BMPR1B: variants seen among roughly 807,000 people sequenced by gnomAD.
BMPR1B encodes the protein bone morphogenetic protein receptor type 1B, also known as bone morphogenetic protein receptor type-1B.
Under a neutral mutation model 59.1 loss-of-function variants are expected in BMPR1B, and 12 were observed. That is an observed-to-expected ratio of 0.20 (90% CI 0.13 to 0.33). BMPR1B has a LOEUF of 0.33. Ranked by LOEUF, BMPR1B falls within the 10% of genes least tolerant of loss-of-function variation. The probability of loss-of-function intolerance (pLI) is 1.00; values close to 1 mark genes in which losing one functional copy is unlikely to be tolerated. For synonymous variants in BMPR1B, 237 were observed against 207.3 expected (o/e 1.14, Z -1.23); for missense variants, 550 against 610.9 (o/e 0.90, Z 1.05).
chr4:95,108,975 C>G (rs2149270634), intron 4 of BMPR1B, among the ~76,000 whole-genome samples: 1 of 152,100 alleles, frequency 6.6e-6, no homozygotes, highest in Middle Eastern at 3.4e-3. Context: ...TTTCAGTTTC[C>G]TGTCCTAGCA....
Position 94,910,595 on chromosome 4 carries a change from G to A in BMPR1B, c.-113+34695G>A, listed in dbSNP as rs368954663. On this transcript the variant is annotated intron_variant, in intron 2 of 12. Coordinates refer to ENST00000515059, the MANE Select transcript of BMPR1B (RefSeq NM_001203.3). Reference sequence around the variant, plus strand: ...CATAGTTGCTTATTTCTATTGTACCGTGAAATTAAACTACAATATTAAAAA... The same window carrying A: ...CATAGTTGCTTATTTCTATTGTACCATGAAATTAAACTACAATATTAAAAA... Among the ~76,000 whole-genome samples the A allele has an allele frequency of 3.4e-4, 51 of 152,028 alleles. No individual in the cohort carries two copies. The South Asian group carries it at 4.6e-3, about 14-fold the overall frequency.
At chr4:94,768,861 G>C (rs1444167401) in intron 1 of BMPR1B, among the ~76,000 whole-genome samples, 1 of 152,084 alleles carries the variant, frequency 6.6e-6, no homozygotes, top group Non-Finnish European at 1.5e-5. Flanking sequence ...AGCAAAAATA[G>C]CTAAAAATGG....
At chr4:94,770,152 T>C (rs184231240) in intron 1 of BMPR1B, among the ~76,000 whole-genome samples, 3 of 149,420 alleles carry the variant, frequency 2.0e-5, no homozygotes, top group Admixed American at 2.0e-4. Flanking sequence ...TCATTTGTTT[T>C]TATTTGTTTG....
At chr4:95,083,131 A>G (rs1729304579) in intron 3 of BMPR1B, among the ~76,000 whole-genome samples, 2 of 151,968 alleles carry the variant, frequency 1.3e-5, no homozygotes, top group East Asian at 3.9e-4. Context: ...TTTATTGATA[A>G]GGTAACTCAG....
intron 1 of BMPR1B, among the ~76,000 whole-genome samples, chr4:94,786,925 G>T (rs185565476): frequency 1.1e-3 from 173 of 152,234 alleles, no homozygotes; most frequent in Admixed American, 4.1e-3. Context: ...CTGGCCTCAA[G>T]TGATCCTCCT....
chr4:95,092,614 G>T (rs568838649), intron 3 of BMPR1B, among the ~76,000 whole-genome samples: 1 of 152,018 alleles, frequency 6.6e-6, no homozygotes, highest in East Asian at 1.9e-4. Flanking sequence ...CAATATATTT[G>T]AATATTTTAA....
intron 2 of BMPR1B, among the ~76,000 whole-genome samples, chr4:94,962,628 G>A (rs942832326): frequency 6.6e-6 from 1 of 151,910 alleles, no homozygotes; most frequent in African/African-American, 2.4e-5. Flanking sequence ...ATGTCCTCCA[G>A]TTCCATCCAT....
chr4:95,019,217 A>G (rs1005180622), intron 3 of BMPR1B, among the ~76,000 whole-genome samples: 5 of 152,178 alleles, frequency 3.3e-5, no homozygotes, highest in African/African-American at 1.2e-4. Context: ...GAACTGAAAA[A>G]CATTTGCCTC....
At chr4:95,000,107 A>G (rs1465528717) in intron 3 of BMPR1B, among the ~76,000 whole-genome samples, 1 of 152,200 alleles carries the variant, frequency 6.6e-6, no homozygotes, top group African/African-American at 2.4e-5. Context: ...TTCATGAACA[A>G]TTTGGAGTGA....
intron 2 of BMPR1B, among the ~76,000 whole-genome samples, chr4:94,917,829 C>T (rs540645242): frequency 6.6e-6 from 1 of 152,284 alleles, no homozygotes; most frequent in Non-Finnish European, 1.5e-5. Flanking sequence ...GATATTTGTC[C>T]TCACCTAACT....
chr4:94,868,328 C>T (rs923074007), intron 1 of BMPR1B, among the ~76,000 whole-genome samples: 7 of 152,016 alleles, frequency 4.6e-5, no homozygotes, highest in African/African-American at 1.7e-4. Context: ...ACCACTACCA[C>T]CCAGCTAATT....
chr4:94,860,486 G>T (rs1021245826), intron 1 of BMPR1B, among the ~76,000 whole-genome samples: 1 of 152,070 alleles, frequency 6.6e-6, no homozygotes, highest in South Asian at 2.1e-4. Flanking sequence ...ATGTAATAAG[G>T]TTGCTTAAAT....
At position 94,788,332 on chromosome 4, in the gene BMPR1B, AC is replaced by A. The variant is rs1173520862; in HGVS notation, c.-183+30265del. Among the ~76,000 whole-genome samples, 22 of 152,164 alleles carry A rather than the reference AC, an allele frequency of 1.4e-4. 1 individual carries two copies. The highest frequency in any genetic ancestry group is 6.5e-4 in the Admixed American group (10 of 15,270). ...ACCAGGAGGAGTTAAGGTTATTGCTACATACTGGGGACAGGGAGGAGTATCT... is the reference window on the plus strand; with the variant it reads ...ACCAGGAGGAGTTAAGGTTATTGCTAATACTGGGGACAGGGAGGAGTATCT... On this transcript the variant is annotated intron_variant, in intron 1 of 12. Coordinates refer to ENST00000515059, the MANE Select transcript of BMPR1B (RefSeq NM_001203.3).
At chr4:94,837,840 T>G (rs4536937) in intron 1 of BMPR1B, among the ~76,000 whole-genome samples, 78,624 of 140,244 alleles carry the variant, frequency 0.56, 26,519 homozygotes, top group African/African-American at 0.8. Flanking sequence ...TTGTGCCAGT[T>G]TTCAAAGGGA....
At chr4:94,851,983 A>ATG (rs1466097818) in intron 1 of BMPR1B, among the ~76,000 whole-genome samples, 1 of 152,216 alleles carries the variant, frequency 6.6e-6, no homozygotes, top group East Asian at 1.9e-4. Context: ...TGTTGCATGA[A>ATG]TGTAAGCCAC....
At chr4:95,062,113 CT>C (rs1727445619) in intron 3 of BMPR1B, among the ~76,000 whole-genome samples, 1 of 152,118 alleles carries the variant, frequency 6.6e-6, no homozygotes, top group South Asian at 2.1e-4. Context: ...AATTCAACCT[CT>C]TTTCTTCATA....
chr4:94,832,828 T>C (rs1724655514), intron 1 of BMPR1B, among the ~76,000 whole-genome samples: 1 of 151,772 alleles, frequency 6.6e-6, no homozygotes, highest in Non-Finnish European at 1.5e-5. Context: ...ATTGGGAACA[T>C]AAATGCTAAA....
chr4:95,002,496 A>G (rs562704109), intron 3 of BMPR1B, among the ~76,000 whole-genome samples: 4 of 152,322 alleles, frequency 2.6e-5, no homozygotes, highest in South Asian at 4.1e-4. Flanking sequence ...ATGCCCAGCA[A>G]TGGGATTCAC....
At chr4:95,151,040 T>C (rs1735002097) in intron 11 of BMPR1B, among the ~76,000 whole-genome samples, 1 of 152,208 alleles carries the variant, frequency 6.6e-6, no homozygotes, top group Non-Finnish European at 1.5e-5. Flanking sequence ...TATGAAGATA[T>C]TAGAAGTTTT....
Sources: allele counts gnomAD v4.1 joint callset (sites outside exome capture counted in the v4.1 genomes callset), GRCh38; gene constraint gnomAD v4.1.1; transcripts MANE v1.5; gene names NCBI Gene and HGNC (gene_info 2026-07-23, HGNC 2026-07-21).